Variants in ITGA4 observed in about 807,000 individuals in gnomAD.
ITGA4 encodes the protein integrin alpha-4.
Under a neutral mutation model 133.6 loss-of-function variants are expected in ITGA4, and 63 were observed. The observed-to-expected ratio is 0.47, with a 90% CI of 0.38 to 0.58. The LOEUF is 0.58. Ranked by LOEUF, ITGA4 falls within the 20% of genes least tolerant of loss-of-function variation. The pLI is 0.00. For synonymous variants in ITGA4, 483 were observed against 438.0 expected (o/e 1.10, Z -1.28); for missense variants, 1,076 against 1,252.7 (o/e 0.86, Z 2.13).
At chr2:181,462,212 T>TTC (rs1346359612) in intron 2 of ITGA4, among the ~76,000 whole-genome samples, 5 of 152,172 alleles carry the variant, frequency 3.3e-5, no homozygotes, top group African/African-American at 1.2e-4. Flanking sequence ...TCACTTTCTT[T>TTC]TCTAGACTAA....
In ITGA4 at chr2:181,482,399, T is replaced by G; in HGVS notation, c.880T>G (p.Leu294Val). ...FSIDEKELNILHEMKGKKLGS... is the reference protein window; with the variant it reads ...FSIDEKELNIVHEMKGKKLGS... ...CATTGATGAAAAAGAACTAAATATC[T>G]TACATGAAATGAAAGGTAAAAAGGT... Residue 294 changes from leucine to valine, a missense_variant, in exon 8 of 28, where the codon TTA becomes GTA. This residue lies in a region of ITGA4 where 436 missense variants were observed against 590.7 expected (regional missense o/e 0.74). Transcript: ENST00000397033. 1 of 1,613,100 alleles carries G rather than the reference T, an allele frequency of 6.2e-7. No homozygotes were observed. The highest frequency in any genetic ancestry group is 1.3e-5 in the African/African-American group (1 of 74,992).
Position 181,495,244 on chromosome 2 carries a change from T to C in ITGA4, c.1340-127T>C. 2 of 692,420 alleles carry C rather than the reference T, an allele frequency of 2.9e-6. No homozygotes were observed. The highest frequency in any genetic ancestry group is 5.2e-6 in the Non-Finnish European group (2 of 386,658). The allele number at this position is 692,420 out of a possible 1,614,324, so 42.9% of individuals were successfully genotyped here. A position where few individuals can be genotyped will look rare whatever the true frequency, so the allele number is the denominator to read the frequency against. On this transcript the variant is annotated intron_variant, in intron 12 of 27. Coordinates refer to ENST00000397033, the MANE Select transcript of ITGA4 (RefSeq NM_000885.6). The surrounding 1 kb of genome is among the most constrained non-coding windows in gnomAD (Gnocchi z 4.3). ...AAGAATCGTAAGATGTTAGCATATA[T>C]TCTCTAATTTTCTATAAATAGTGTT...
chr2:181,513,112 C>G (rs544863983), intron 17 of ITGA4, among the ~76,000 whole-genome samples: 16 of 152,136 alleles, frequency 1.1e-4, no homozygotes, highest in African/African-American at 3.6e-4. Flanking sequence ...TTAGCCCTTT[C>G]TTTTCAGCTG....
rs201478121 is a variant in ITGA4, at chr2:181,535,602, A to T, written c.*75A>T. The stretch of plus-strand genomic sequence containing the variant: ...AGAAATTTAAAAGACACTGTTTACA[A>T]GAAAAAATGAATTTTGTTTGGACTT... On this transcript the variant is annotated 3_prime_UTR_variant, in exon 28 of 28. Coordinates refer to ENST00000397033, the MANE Select transcript of ITGA4 (RefSeq NM_000885.6). 6.7e-6 allele frequency: 10 copies of T among 1,495,996 alleles called. No individual in the cohort carries two copies. In the Admixed American group the frequency reaches 9.0e-5, roughly 13 times the overall value. The allele number at this position is 1,495,996 out of a possible 1,614,324, so 92.7% of individuals were successfully genotyped here. A position where few individuals can be genotyped will look rare whatever the true frequency, so the allele number is the denominator to read the frequency against.
intron 10 of ITGA4, among the ~76,000 whole-genome samples, chr2:181,490,620 A>G (rs940631005): frequency 1.3e-5 from 2 of 152,040 alleles, no homozygotes; most frequent in African/African-American, 2.4e-5. Flanking sequence ...TAATGAGTCT[A>G]TAGAGCATGG....
rs1687044133 is a variant in ITGA4, at chr2:181,535,417, TTATGC to T, written c.3004-11_3004-7del. The stretch of plus-strand genomic sequence containing the variant: ...TCATAACTATACACTAGTGATTATG[TTATGC>T]TATTTTCAGGCTGGCTTCTTTAAAA... On this transcript the variant is annotated splice_polypyrimidine_tract_variant and intron_variant, in intron 27 of 27. Transcript: ENST00000397033. 6.3e-7 allele frequency: 1 copy of T among 1,585,604 alleles called. No individual in the cohort carries two copies. Among genetic ancestry groups the T allele is most frequent in the East Asian group, 2.2e-5 (1 of 44,552 alleles).
rs1322587113 is a variant in ITGA4 at position 181,538,315 on chromosome 2, ACAATGC to A, written c.*2798_*2803del. 1.6e-5 allele frequency: 14 copies of A among 863,008 alleles called. No homozygotes were observed. Among genetic ancestry groups the A allele is most frequent in the Non-Finnish European group, 2.1e-5 (11 of 513,708 alleles). The allele number at this position is 863,008 out of a possible 1,614,324, so 53.5% of individuals were successfully genotyped here. ...CACATACACCTAATAAGTATGGTAC[ACAATGC>A]CAATGCCAAATACAAATTGATAACA... On this transcript the variant is annotated 3_prime_UTR_variant, in exon 28 of 28. Coordinates refer to ENST00000397033, the MANE Select transcript of ITGA4 (RefSeq NM_000885.6).
intron 2 of ITGA4, among the ~76,000 whole-genome samples, chr2:181,464,545 GAGA>G (rs1685367811): frequency 6.6e-6 from 1 of 152,156 alleles, no homozygotes; most frequent in Non-Finnish European, 1.5e-5. Context: ...ACATAGTGAT[GAGA>G]AGAAATGAAT....
intron 2 of ITGA4, among the ~76,000 whole-genome samples, chr2:181,467,714 A>G (rs1241094113): frequency 6.6e-6 from 1 of 152,182 alleles, no homozygotes; most frequent in African/African-American, 2.4e-5. Context: ...AGTGGAATAG[A>G]TTTCAGTTAA....
At chr2:181,528,882 T>G (rs560511014) in intron 22 of ITGA4, among the ~76,000 whole-genome samples, 2 of 152,188 alleles carry the variant, frequency 1.3e-5, no homozygotes, top group African/African-American at 4.8e-5. Context: ...ATCCCCAAAT[T>G]TATCATCCTC....
intron 2 of ITGA4, among the ~76,000 whole-genome samples, chr2:181,467,105 CTCTT>C (rs1259697974): frequency 1.3e-5 from 2 of 151,764 alleles, no homozygotes; most frequent in Non-Finnish European, 2.9e-5. Flanking sequence ...GAATGAATGA[CTCTT>C]TATAAAATAT....
intron 25 of ITGA4, 95 bp downstream of exon 25, chr2:181,531,871 CAAATT>C (rs1686952862): frequency 2.5e-6 from 2 of 802,262 alleles, no homozygotes; most frequent in Non-Finnish European, 3.7e-6. Flanking sequence ...AGGCATTCAA[CAAATT>C]AAATTTTAAA....
At chr2:181,488,809 T>C (rs530005560) in intron 10 of ITGA4, among the ~76,000 whole-genome samples, 61 of 152,250 alleles carry the variant, frequency 4.0e-4, no homozygotes, top group Admixed American at 1.2e-3. Flanking sequence ...CTGCCCGCCT[T>C]GGCCTCCAAA....
At position 181,495,678 on chromosome 2, in the gene ITGA4, C is replaced by T; in HGVS notation, c.1386-105C>T. The T allele has an allele frequency of 1.0e-6, 1 of 957,476 alleles. No homozygotes were observed. The highest frequency in any genetic ancestry group is 2.4e-5 in the East Asian group (1 of 40,934). 59.3% of individuals were successfully genotyped at this position (957,476 alleles called of 1,614,324 possible). Reference sequence around the variant, plus strand: ...ATTAGTATGTACACACATAATAAGACTCATGAAATTACTTGGTGAATGTAA... The same window carrying T: ...ATTAGTATGTACACACATAATAAGATTCATGAAATTACTTGGTGAATGTAA... On this transcript the variant is annotated intron_variant, in intron 13 of 27. Transcript: ENST00000397033. This position sits in a 1 kb window ranked among gnomAD's most constrained non-coding sequence, Gnocchi z 4.3.
In ITGA4 at chr2:181,498,607, C is replaced by T. The variant is rs1469008189; in HGVS notation, c.1541-16C>T. The T allele has an allele frequency of 6.6e-7, 1 of 1,526,230 alleles. No individual in the cohort carries two copies. Among genetic ancestry groups the T allele is most frequent in the Non-Finnish European group, 9.0e-7 (1 of 1,109,856 alleles). The allele number at this position is 1,526,230 out of a possible 1,614,324, so 94.5% of individuals were successfully genotyped here. A position where few individuals can be genotyped will look rare whatever the true frequency, so the allele number is the denominator to read the frequency against. On this transcript the variant is annotated splice_polypyrimidine_tract_variant and intron_variant, in intron 14 of 27. Coordinates refer to ENST00000397033, the MANE Select transcript of ITGA4 (RefSeq NM_000885.6). ...TTCAGTAATTAGATTAATTGCAATT[C>T]TCTATATTTTTGCAGTTTTGTTTTA...
chr2:181,536,757 TC>T lies in ITGA4; in HGVS notation c.*1231del, dbSNP rs1386789616. On this transcript the variant is annotated 3_prime_UTR_variant, in exon 28 of 28. Coordinates refer to ENST00000397033, the MANE Select transcript of ITGA4 (RefSeq NM_000885.6). ...ATGACTTTCTGGATTTTAAAAAATT[TC>T]TTTAAATACAATCATTTTTGTAATA... 4.1e-6 allele frequency: 1 copy of T among 246,582 alleles called. No homozygotes were observed. Among genetic ancestry groups the T allele is most frequent in the African/African-American group, 2.3e-5 (1 of 43,532 alleles). 15.3% of individuals were successfully genotyped at this position (246,582 alleles called of 1,614,324 possible). A position where few individuals can be genotyped will look rare whatever the true frequency, so the allele number is the denominator to read the frequency against.
chr2:181,498,566 A>G, intron 14 of ITGA4, 57 bp from the exon 15 acceptor site: 1 of 1,097,046 alleles, frequency 9.1e-7, no homozygotes, highest in Non-Finnish European at 1.3e-6. Flanking sequence ...CACTTCAAAA[A>G]TAACAATAGA....
Position 181,531,703 on chromosome 2 carries a change from T to C in ITGA4, c.2711T>C (p.Phe904Ser). 2 of 1,606,552 alleles carry C rather than the reference T, an allele frequency of 1.2e-6. No homozygotes were observed. Among genetic ancestry groups the C allele is most frequent in the Non-Finnish European group, 1.7e-6 (2 of 1,174,494 alleles). ...CATTGTTTAAATTTCTTGTGTAATT[T>C]TGGGAAAATGGAAAGTGGAAAAGAA... ...DPHCLNFLCN[F>S]GKMESGKEAS... The change falls in exon 25 of 28, where the codon TTT (phenylalanine) becomes TCT (serine). Residue 904 changes from phenylalanine to serine, a missense_variant. Around this residue, in one of 4 missense-constraint regions of ITGA4, gnomAD observed 193 missense variants for 172.3 expected, o/e 1.12. Coordinates refer to ENST00000397033, the MANE Select transcript of ITGA4 (RefSeq NM_000885.6).
chr2:181,466,429 C>T (rs982404689), intron 2 of ITGA4, among the ~76,000 whole-genome samples: 7 of 152,040 alleles, frequency 4.6e-5, no homozygotes, highest in Non-Finnish European at 8.8e-5. Flanking sequence ...CATTTAAACA[C>T]ATTTTTTTAA....
Sources: allele counts gnomAD v4.1 joint callset (sites outside exome capture counted in the v4.1 genomes callset), GRCh38; gene constraint gnomAD v4.1.1; regional missense constraint gnomAD v4.1.1; non-coding constraint Gnocchi (gnomAD v3.1); transcripts MANE v1.5; gene names NCBI Gene and HGNC (gene_info 2026-07-23, HGNC 2026-07-21).